SMC1B: variants seen among roughly 807,000 people sequenced by gnomAD.
SMC1B encodes structural maintenance of chromosomes 1B.
Under a neutral mutation model 157.9 loss-of-function variants are expected in SMC1B, and 60 were observed. The observed-to-expected ratio is 0.38, with a 90% CI of 0.31 to 0.47. The LOEUF (loss-of-function observed/expected upper bound fraction) is 0.47. Among genes scored for constraint, SMC1B ranks in the 20% least tolerant of loss-of-function variants. The pLI, the probability that SMC1B is intolerant of heterozygous loss-of-function variation, is 0.99. For missense variants in SMC1B, 1,165 were observed against 1,426.2 expected, an observed-to-expected ratio of 0.82 and a Z score of 2.95; for synonymous variants, 445 against 483.0, an observed-to-expected ratio of 0.92 and a Z score of 1.03.
At chr22:45,395,724 G>T (rs1025375330) in intron 7 of SMC1B, among the ~76,000 whole-genome samples, 5 of 152,138 alleles carry the variant, frequency 3.3e-5, no homozygotes, top group Admixed American at 3.3e-4. Flanking sequence ...AAGCATGGTG[G>T]CGCATGCCTG....
chr22:45,371,653 T>C, intron 13 of SMC1B, 66 bp from the exon 14 acceptor site: 2 of 1,509,792 alleles, frequency 1.3e-6, no homozygotes, highest in Non-Finnish European at 1.8e-6. Flanking sequence ...AAGCCAAAAA[T>C]GTGATAGGTA....
intron 6 of SMC1B, among the ~76,000 whole-genome samples, chr22:45,398,754 A>T (rs912645487): frequency 1.3e-5 from 2 of 152,172 alleles, no homozygotes; most frequent in Admixed American, 6.5e-5. Context: ...GCTTGAACCC[A>T]TAAGGCGGAG....
intron 12 of SMC1B, among the ~76,000 whole-genome samples, chr22:45,382,257 G>C (rs895782121): frequency 7.2e-5 from 11 of 152,086 alleles, no homozygotes; most frequent in Non-Finnish European, 1.5e-4. Context: ...ATGACAAAAA[G>C]AACAAAGTCA....
At chr22:45,397,290 G>A (rs2087136143) in intron 6 of SMC1B, among the ~76,000 whole-genome samples, 1 of 152,192 alleles carries the variant, frequency 6.6e-6, no homozygotes, top group Admixed American at 6.5e-5. Flanking sequence ...GCCGAGGCAA[G>A]AGGATCACTT....
At chr22:45,356,271 G>A (rs2146768466) in intron 19 of SMC1B, among the ~76,000 whole-genome samples, 1 of 152,258 alleles carries the variant, frequency 6.6e-6, no homozygotes, top group South Asian at 2.1e-4. Context: ...CTAAGGTAAA[G>A]TCCACCATCC....
At chr22:45,351,209 AC>A (rs1353467726) in intron 22 of SMC1B, among the ~76,000 whole-genome samples, 1 of 152,162 alleles carries the variant, frequency 6.6e-6, no homozygotes, top group African/African-American at 2.4e-5. Flanking sequence ...TTACTAATTT[AC>A]CTTATTTATT....
At chr22:45,357,119 C>T (rs2086677980) in intron 19 of SMC1B, among the ~76,000 whole-genome samples, 1 of 152,224 alleles carries the variant, frequency 6.6e-6, no homozygotes, top group African/African-American at 2.4e-5. Context: ...AGCCTAATTT[C>T]TTCCTCTTGG....
At chr22:45,407,370 A>C (rs2087273625) in intron 2 of SMC1B, among the ~76,000 whole-genome samples, 1 of 152,194 alleles carries the variant, frequency 6.6e-6, no homozygotes, top group South Asian at 2.1e-4. Flanking sequence ...TTGATAGCTT[A>C]TCTTCACATG....
intron 2 of SMC1B, among the ~76,000 whole-genome samples, chr22:45,407,817 C>A (rs557286024): frequency 6.6e-6 from 1 of 152,300 alleles, no homozygotes; most frequent in Non-Finnish European, 1.5e-5. Flanking sequence ...GCCTCTACCC[C>A]TGTCACATGT....
chr22:45,369,930 A>G, intron 15 of SMC1B, 24 bp downstream of exon 15: 1 of 1,269,636 alleles, frequency 7.9e-7, no homozygotes, highest in Non-Finnish European at 1.1e-6. Context: ...TAAGCTCCTT[A>G]CCAACATCTT....
At chr22:45,395,907 A>G (rs2087118178) in intron 7 of SMC1B, among the ~76,000 whole-genome samples, 1 of 152,138 alleles carries the variant, frequency 6.6e-6, no homozygotes, top group Non-Finnish European at 1.5e-5. Flanking sequence ...TGGCTTTTTT[A>G]GGAGCTGGGA....
intron 5 of SMC1B, among the ~76,000 whole-genome samples, chr22:45,401,485 A>G (rs1042603320): frequency 6.6e-6 from 1 of 152,270 alleles, no homozygotes; most frequent in African/African-American, 2.4e-5. Flanking sequence ...TGTACAGTAG[A>G]AAAGCTGGCA....
chr22:45,407,303 G>A (rs1241499249), intron 2 of SMC1B, among the ~76,000 whole-genome samples: 1 of 152,048 alleles, frequency 6.6e-6, no homozygotes, highest in East Asian at 1.9e-4. Flanking sequence ...ATTCCTTGTG[G>A]GCCCCAAGAT....
At chr22:45,350,279 TA>T in intron 22 of SMC1B, among the ~76,000 whole-genome samples, 1 of 150,378 alleles carries the variant, frequency 6.6e-6, no homozygotes, top group Non-Finnish European at 1.5e-5. Context: ...TAATTTTTTT[TA>T]AATTTTTTTA....
chr22:45,368,549 GCT>G (rs2086798164), intron 15 of SMC1B, among the ~76,000 whole-genome samples: 1 of 140,476 alleles, frequency 7.1e-6, no homozygotes, highest in Admixed American at 7.5e-5. Context: ...ACCGAGTCTC[GCT>G]CTGTCACCCA....
chr22:45,402,457 G>T lies in SMC1B; in HGVS notation c.730C>A (p.His244Asn), dbSNP rs1263134890. Residue 244 changes from histidine to asparagine, a missense_variant, in exon 5 of 25, where the codon CAT becomes AAT. Coordinates refer to ENST00000357450, the MANE Select transcript of SMC1B (RefSeq NM_148674.5). The stretch of plus-strand genomic sequence containing the variant: ...TTGACACTCAAATCCCTATTCACAT[G>T]CTCTAACTTGGTGTTCAGGAGATGA... ...KIHLLNTKLEHVNRDLSVKRE... is the reference protein window; with the variant it reads ...KIHLLNTKLENVNRDLSVKRE... 1 of 1,613,754 alleles carries T rather than the reference G, an allele frequency of 6.2e-7. No homozygotes were observed. The highest frequency in any genetic ancestry group is 8.5e-7 in the Non-Finnish European group (1 of 1,179,784).
chr22:45,403,444 C>T (rs923837099), intron 4 of SMC1B, among the ~76,000 whole-genome samples: 1 of 131,140 alleles, frequency 7.6e-6, no homozygotes, highest in African/African-American at 3.5e-5. Flanking sequence ...CAGACTATCC[C>T]TGATCCTGTT....
intron 12 of SMC1B, among the ~76,000 whole-genome samples, chr22:45,376,289 C>CT (rs1304739859): frequency 3.3e-5 from 5 of 152,180 alleles, no homozygotes; most frequent in African/African-American, 1.2e-4. Context: ...TTGGACTACT[C>CT]TAGGTACCTC....
chr22:45,396,204 T>A, intron 7 of SMC1B, 142 bp downstream of exon 7: 2 of 700,702 alleles, frequency 2.9e-6, no homozygotes, highest in Non-Finnish European at 4.4e-6. Flanking sequence ...TATATTTGTA[T>A]CTTCATCTGC....
Sources: gnomAD v4.1 joint callset for allele counts (sites outside exome capture counted in the v4.1 genomes callset) on GRCh38, gnomAD v4.1.1 for gene constraint, MANE v1.5 for transcripts, NCBI Gene and HGNC (gene_info 2026-07-23, HGNC 2026-07-21) for gene names.